Variants in NELL1 observed in about 807,000 individuals in gnomAD.
NELL1 encodes the protein protein kinase C-binding protein NELL1.
In NELL1, 76 loss-of-function variants were observed where a neutral mutation model predicts 107.4. The observed-to-expected ratio is 0.71, with a 90% CI of 0.59 to 0.86. NELL1 has a LOEUF of 0.86. Ranked by LOEUF, NELL1 falls within the 40% of genes least tolerant of loss-of-function variation. The pLI, the probability that NELL1 is intolerant of heterozygous loss-of-function variation, is 0.00. For synonymous variants in NELL1, 353 were observed against 341.2 expected, an observed-to-expected ratio of 1.03 and a Z score of -0.38; for missense variants, 1,024 against 1,005.5, an observed-to-expected ratio of 1.02 and a Z score of -0.25.
intron 14 of NELL1, among the ~76,000 whole-genome samples, chr11:21,350,213 G>A (rs1850774710): frequency 6.6e-6 from 1 of 151,988 alleles, no homozygotes; most frequent in Admixed American, 6.6e-5. Context: ...CTTAATGCCA[G>A]TAATTCTTGG....
chr11:21,386,000 G>C (rs1341525698), intron 15 of NELL1, among the ~76,000 whole-genome samples: 1 of 151,602 alleles, frequency 6.6e-6, no homozygotes, highest in Non-Finnish European at 1.5e-5. Context: ...ATACTTTTCA[G>C]ACTCCTTGCT....
chr11:20,752,093 A>C (rs1437502255), intron 2 of NELL1, among the ~76,000 whole-genome samples: 2 of 152,150 alleles, frequency 1.3e-5, no homozygotes, highest in Admixed American at 1.3e-4. Context: ...ATCAGTACTT[A>C]CAGTACAGTG....
intron 12 of NELL1, among the ~76,000 whole-genome samples, chr11:21,093,820 C>T (rs1329284356): frequency 6.6e-6 from 1 of 152,102 alleles, no homozygotes; most frequent in Non-Finnish European, 1.5e-5. Context: ...CCCCATGATT[C>T]AATTACCTCC....
At chr11:21,286,439 C>G (rs1230615297) in intron 14 of NELL1, among the ~76,000 whole-genome samples, 1 of 152,174 alleles carries the variant, frequency 6.6e-6, no homozygotes, top group African/African-American at 2.4e-5. Flanking sequence ...ATGTTCTTTT[C>G]AAGTGGAGCA....
intron 15 of NELL1, among the ~76,000 whole-genome samples, chr11:21,440,560 G>A (rs1407623759): frequency 6.6e-6 from 1 of 152,124 alleles, no homozygotes; most frequent in Non-Finnish European, 1.5e-5. Flanking sequence ...TTTAGTGCAG[G>A]CTTATCAATC....
chr11:21,459,982 G>A (rs1853858059), intron 15 of NELL1, among the ~76,000 whole-genome samples: 1 of 152,054 alleles, frequency 6.6e-6, no homozygotes, highest in African/African-American at 2.4e-5. Flanking sequence ...ATTGTCTGAT[G>A]CACAGTTAAT....
chr11:21,250,284 C>G (rs1488269581), intron 14 of NELL1, among the ~76,000 whole-genome samples: 1 of 152,226 alleles, frequency 6.6e-6, no homozygotes, highest in South Asian at 2.1e-4. Flanking sequence ...TTGCAGTGAT[C>G]TCTAAGTAAC....
chr11:21,286,209 C>T (rs1363630734), intron 14 of NELL1, among the ~76,000 whole-genome samples: 1 of 152,186 alleles, frequency 6.6e-6, no homozygotes, highest in African/African-American at 2.4e-5. Context: ...AGGATTTGGA[C>T]AACTGAAAGC....
intron 13 of NELL1, among the ~76,000 whole-genome samples, chr11:21,200,607 T>G (rs199683418): frequency 3.9e-5 from 6 of 152,364 alleles, no homozygotes; most frequent in Admixed American, 2.0e-4. Flanking sequence ...GATGATAGTT[T>G]CTTTTGCTGT....
intron 16 of NELL1, among the ~76,000 whole-genome samples, chr11:21,553,979 C>G (rs1362555632): frequency 6.6e-6 from 1 of 151,856 alleles, no homozygotes; most frequent in Non-Finnish European, 1.5e-5. Flanking sequence ...AGCAATAATA[C>G]AAACCACCCT....
chr11:20,734,069 G>A (rs1017443251), intron 2 of NELL1, among the ~76,000 whole-genome samples: 2 of 152,216 alleles, frequency 1.3e-5, no homozygotes, highest in African/African-American at 4.8e-5. Flanking sequence ...TACCTGAGGT[G>A]ATGGAAGAAG....
chr11:21,558,499 G>A (rs1856774792), intron 16 of NELL1, among the ~76,000 whole-genome samples: 1 of 151,780 alleles, frequency 6.6e-6, no homozygotes, highest in African/African-American at 2.4e-5. Flanking sequence ...CAGTCATCAT[G>A]TTTGACAATA....
At chr11:21,347,650 T>A (rs1850714628) in intron 14 of NELL1, among the ~76,000 whole-genome samples, 1 of 152,136 alleles carries the variant, frequency 6.6e-6, no homozygotes, top group Admixed American at 6.6e-5. Flanking sequence ...GGACATTTAC[T>A]AGAGGTGTCA....
At chr11:21,132,673 G>A (rs759551892) in intron 13 of NELL1, among the ~76,000 whole-genome samples, 3 of 152,120 alleles carry the variant, frequency 2.0e-5, no homozygotes, top group Non-Finnish European at 2.9e-5. Context: ...AGGAACCACA[G>A]AGCCCCAAAG....
chr11:21,192,997 T>G (rs1248931241), intron 13 of NELL1, among the ~76,000 whole-genome samples: 1 of 151,824 alleles, frequency 6.6e-6, no homozygotes, highest in East Asian at 1.9e-4. Context: ...CACTAAGAAG[T>G]GAAAACCATT....
At chr11:21,418,615 G>A (rs1852578888) in intron 15 of NELL1, among the ~76,000 whole-genome samples, 1 of 151,902 alleles carries the variant, frequency 6.6e-6, no homozygotes, top group African/African-American at 2.4e-5. Flanking sequence ...TTTCCTTTCA[G>A]GTCTCTAAAC....
In NELL1 at chr11:21,182,373, T is replaced by G. The variant is rs2133825297; in HGVS notation, c.1427-46959T>G. Among the ~76,000 whole-genome samples the G allele has an allele frequency of 1.3e-5, 2 of 149,998 alleles. 1 individual carries two copies. Among genetic ancestry groups the G allele is most frequent in the African/African-American group, 5.0e-5 (2 of 40,378 alleles). On this transcript the variant is annotated intron_variant, in intron 13 of 19. Coordinates refer to ENST00000357134, the MANE Select transcript of NELL1 (RefSeq NM_006157.5). ...TCACTTGATCCTGGGAGGTGGAGGT[T>G]GCAGTGAACCGAGATCACGCCACTG...
chr11:20,794,735 G>T (rs1001232243), intron 3 of NELL1, among the ~76,000 whole-genome samples: 1 of 152,188 alleles, frequency 6.6e-6, no homozygotes, highest in East Asian at 1.9e-4. Flanking sequence ...ATGCTGAGGG[G>T]AGACAGGGTG....
intron 3 of NELL1, among the ~76,000 whole-genome samples, chr11:20,822,555 T>A (rs1169791110): frequency 6.6e-6 from 1 of 152,188 alleles, no homozygotes; most frequent in Non-Finnish European, 1.5e-5. Flanking sequence ...ACCTCAGAGA[T>A]GTTTTAATAG....
Sources: allele counts gnomAD v4.1 joint callset (sites outside exome capture counted in the v4.1 genomes callset), GRCh38; gene constraint gnomAD v4.1.1; transcripts MANE v1.5; gene names NCBI Gene and HGNC (gene_info 2026-07-23, HGNC 2026-07-21).